The following SPIN1 variants were observed in gnomAD, a reference collection of about 807,000 sequenced individuals.
SPIN1 encodes the protein spindlin-1.
Under a neutral mutation model 26.0 loss-of-function variants are expected in SPIN1, and 3 were observed. That is an observed-to-expected ratio of 0.12 (90% CI 0.05 to 0.30). SPIN1 has a LOEUF of 0.30. Ranked by LOEUF, SPIN1 falls within the 10% of genes least tolerant of loss-of-function variation. The pLI is 1.00. For synonymous variants in SPIN1, 101 were observed against 116.5 expected (o/e 0.87, Z 0.86); for missense variants, 126 against 333.4 (o/e 0.38, Z 4.84).
intron 1 of SPIN1, among the ~76,000 whole-genome samples, chr9:88,389,075 G>T (rs1004372818): frequency 6.6e-6 from 1 of 152,016 alleles, no homozygotes; most frequent in African/African-American, 2.4e-5. Context: ...GCCTGCCCTG[G>T]GGCCACCCCT....
At chr9:88,461,145 GC>G (rs1828570977) in intron 3 of SPIN1, among the ~76,000 whole-genome samples, 2 of 152,156 alleles carry the variant, frequency 1.3e-5, no homozygotes, top group Admixed American at 6.6e-5. Flanking sequence ...TCTGAGACCT[GC>G]CGCCCTCATT....
At chr9:88,413,635 T>A (rs1374338202) in intron 1 of SPIN1, among the ~76,000 whole-genome samples, 1 of 152,058 alleles carries the variant, frequency 6.6e-6, no homozygotes, top group Non-Finnish European at 1.5e-5. Context: ...TGCCTTGGCC[T>A]CCTAACATGT....
intron 1 of SPIN1, among the ~76,000 whole-genome samples, chr9:88,423,860 G>T (rs575227815): frequency 1.5e-4 from 23 of 151,864 alleles, no homozygotes; most frequent in African/African-American, 5.3e-4. Flanking sequence ...CTGCCTCCTG[G>T]GTTCAAGTGA....
At chr9:88,391,689 T>G (rs1199014543) in intron 1 of SPIN1, 1 of 152,148 alleles carries the variant, frequency 6.6e-6, no homozygotes, top group Non-Finnish European at 1.5e-5. Context: ...AATTTGGTAC[T>G]AGGGTTGAAA....
At chr9:88,419,684 A>C (rs1340457518) in intron 1 of SPIN1, among the ~76,000 whole-genome samples, 1 of 152,214 alleles carries the variant, frequency 6.6e-6, no homozygotes, top group African/African-American at 2.4e-5. Context: ...AAAGAATAAC[A>C]TTAGTGAACA....
Position 88,476,192 on chromosome 9 carries a change from A to G in SPIN1, c.*915A>G, listed in dbSNP as rs879555751. ...GGACAGCACATATGGTCCATTGTGT[A>G]CAAGTCAGTAATCTGGATTTCAGTA... On this transcript the variant is annotated 3_prime_UTR_variant, in exon 6 of 6. Transcript: ENST00000375859. 3.3e-5 allele frequency: 5 copies of G among 152,108 alleles called. No individual in the cohort carries two copies. Among genetic ancestry groups the G allele is most frequent in the Admixed American group, 2.6e-4 (4 of 15,272 alleles). 9.4% of individuals were successfully genotyped at this position (152,108 alleles called of 1,614,324 possible). A position where few individuals can be genotyped will look rare whatever the true frequency, so the allele number is the denominator to read the frequency against.
chr9:88,463,453 T>C (rs2118195097), intron 4 of SPIN1, among the ~76,000 whole-genome samples: 1 of 152,360 alleles, frequency 6.6e-6, no homozygotes, highest in Admixed American at 6.5e-5. Flanking sequence ...TGGTTTATAC[T>C]TTTAGAATTG....
Position 88,388,467 on chromosome 9 carries a change from G to C in SPIN1, c.-230G>C, listed in dbSNP as rs1179467954. ...GGGAGGCGCCGTCTGGCTCAGGCTG[G>C]GGCCGGCGGGAGCGCGAACGAGCGA... On this transcript the variant is annotated 5_prime_UTR_variant, in exon 1 of 6. Coordinates refer to ENST00000375859, the MANE Select transcript of SPIN1 (RefSeq NM_006717.3). The C allele has an allele frequency of 2.7e-5, 4 of 147,966 alleles. No homozygotes were observed. The highest frequency in any genetic ancestry group is 9.8e-5 in the African/African-American group (4 of 41,014). 9.2% of individuals were successfully genotyped at this position (147,966 alleles called of 1,614,324 possible).
At chr9:88,459,277 C>G (rs982781096) in intron 3 of SPIN1, among the ~76,000 whole-genome samples, 2 of 152,104 alleles carry the variant, frequency 1.3e-5, no homozygotes, top group Non-Finnish European at 2.9e-5. Context: ...AAAAGTATTG[C>G]TACAAAGGAT....
chr9:88,403,640 G>A (rs1827233744), intron 1 of SPIN1, among the ~76,000 whole-genome samples: 1 of 152,180 alleles, frequency 6.6e-6, no homozygotes, highest in African/African-American at 2.4e-5. Flanking sequence ...GAGCCTGAGA[G>A]GTGAAGGCTG....
intron 1 of SPIN1, among the ~76,000 whole-genome samples, chr9:88,388,890 G>A (rs1484772705): frequency 6.6e-6 from 1 of 151,102 alleles, no homozygotes; most frequent in Non-Finnish European, 1.5e-5. Flanking sequence ...AGCCGGGCGG[G>A]GAGGCCGGCG....
At position 88,475,034 on chromosome 9, in the gene SPIN1, T is replaced by TC. The variant is rs753060304; in HGVS notation, c.590-44_590-43insC. ...TATATCTAAAAATTGACTTAGAAATTTTCTCTCTCTCTCTTTTTTTTTTTT... is the reference window on the plus strand; with the variant it reads ...TATATCTAAAAATTGACTTAGAAATTCTTCTCTCTCTCTCTTTTTTTTTTTT... On this transcript the variant is annotated intron_variant, in intron 5 of 5. Coordinates refer to ENST00000375859, the MANE Select transcript of SPIN1 (RefSeq NM_006717.3). 1.8e-4 allele frequency: 259 copies of TC among 1,401,478 alleles called. 2 individuals carry two copies. The South Asian group carries it at 4.0e-3, about 22-fold the overall frequency. The allele number at this position is 1,401,478 out of a possible 1,614,324, so 86.8% of individuals were successfully genotyped here.
chr9:88,458,726 G>T (rs1431726492), intron 3 of SPIN1, among the ~76,000 whole-genome samples: 2 of 152,146 alleles, frequency 1.3e-5, no homozygotes, highest in Non-Finnish European at 2.9e-5. Context: ...TAAGGAATTG[G>T]CTAATGCAGT....
rs1038240107 is a variant in SPIN1 at position 88,441,420 on chromosome 9, C to T, written c.53-7521C>T. ...ATTCGTGTGTGTGTGTGTGTGCGCG[C>T]GCGCGCGCCCATGTGTGTGTACATA... is the stretch of plus-strand genomic sequence containing the variant. On this transcript the variant is annotated intron_variant, in intron 2 of 5. Coordinates refer to ENST00000375859, the MANE Select transcript of SPIN1 (RefSeq NM_006717.3). Among the ~76,000 whole-genome samples, 137 of 89,554 alleles carry T rather than the reference C, an allele frequency of 1.5e-3. 4 individuals carry two copies. Among genetic ancestry groups the T allele is most frequent in the African/African-American group, 0.012 (73 of 6,010 alleles). The allele number at this position is 89,554 out of a possible 152,430, so 58.8% of individuals were successfully genotyped here.
intron 5 of SPIN1, among the ~76,000 whole-genome samples, chr9:88,471,538 C>G (rs1489264703): frequency 6.6e-6 from 1 of 150,846 alleles, no homozygotes; most frequent in Non-Finnish European, 1.5e-5. Context: ...ACCTGTAATC[C>G]CAGCTACTCG....
chr9:88,411,594 G>C, intron 1 of SPIN1: 2 of 555,526 alleles, frequency 3.6e-6, no homozygotes. Flanking sequence ...GCTTACTATA[G>C]CCTTGGCCTC....
chr9:88,461,105 C>T (rs970660878), intron 3 of SPIN1, among the ~76,000 whole-genome samples: 5 of 152,182 alleles, frequency 3.3e-5, no homozygotes, highest in Non-Finnish European at 7.3e-5. Context: ...TAGCTTAAGA[C>T]CTCTCTGGGT....
chr9:88,448,802 CT>C (rs2118133195), intron 2 of SPIN1, 138 bp from the exon 3 acceptor site: 3 of 645,268 alleles, frequency 4.6e-6, no homozygotes, highest in Non-Finnish European at 7.7e-6. Flanking sequence ...AAACAAATGG[CT>C]TTCTTAACAT....
At position 88,462,501 on chromosome 9, in the gene SPIN1, A is replaced by G. The variant is rs1223429162; in HGVS notation, c.107A>G (p.His36Arg). The change falls in exon 4 of 6, where the codon CAT becomes CGT. Residue 36 changes from histidine to arginine, a missense_variant. By Grantham distance (29) the His-to-Arg change is conservative. Coordinates refer to ENST00000375859, the MANE Select transcript of SPIN1 (RefSeq NM_006717.3). Reference sequence around the variant, plus strand: ...GTGTATATGTGTGAATACAGAAAACATCGGAGCAGTGTGGGTCCGAGCAAA... The same window carrying G: ...GTGTATATGTGTGAATACAGAAAACGTCGGAGCAGTGTGGGTCCGAGCAAA... Reference protein sequence around the residue: ...MMKKRTSHKKHRSSVGPSKPV... With the variant: ...MMKKRTSHKKRRSSVGPSKPV... The G allele has an allele frequency of 4.3e-6, 7 of 1,613,878 alleles. No individual in the cohort carries two copies. The highest frequency in any genetic ancestry group is 5.1e-6 in the Non-Finnish European group (6 of 1,179,928).
Sources: gnomAD v4.1 joint callset for allele counts (sites outside exome capture counted in the v4.1 genomes callset) on GRCh38, gnomAD v4.1.1 for gene constraint, MANE v1.5 for transcripts, NCBI Gene and HGNC (gene_info 2026-07-23, HGNC 2026-07-21) for gene names.